Variants in SPRED2 observed in about 807,000 individuals in gnomAD.
The protein encoded by SPRED2 is sprouty-related, EVH1 domain-containing protein 2.
SPRED2 carries 47 observed loss-of-function variants against 43.0 expected under a neutral mutation model. The observed-to-expected ratio is 1.09, with a 90% CI of 0.87 to 1.40. The LOEUF (loss-of-function observed/expected upper bound fraction) is 1.40, where lower values mean the gene tolerates loss of function less well. SPRED2 is among the 40% of genes most tolerant of loss of function. The pLI is 0.00. For missense variants in SPRED2, 561 were observed against 586.4 expected, an observed-to-expected ratio of 0.96 and a Z score of 0.45; for synonymous variants, 225 against 225.7, an observed-to-expected ratio of 1.00 and a Z score of 0.03.
chr2:65,347,145 C>T (rs1390832405), intron 1 of SPRED2, among the ~76,000 whole-genome samples: 2 of 152,084 alleles, frequency 1.3e-5, no homozygotes, highest in East Asian at 3.9e-4. Context: ...AATTCTTTAC[C>T]CTGTTGGGGC....
At chr2:65,372,983 A>G (rs1433208542) in intron 1 of SPRED2, among the ~76,000 whole-genome samples, 1 of 152,236 alleles carries the variant, frequency 6.6e-6, no homozygotes. Context: ...ACAGCTTCCT[A>G]GCTAAGTAAA....
chr2:65,430,440 C>A (rs1013348380), intron 1 of SPRED2, among the ~76,000 whole-genome samples: 3 of 152,188 alleles, frequency 2.0e-5, no homozygotes, highest in African/African-American at 7.2e-5. Flanking sequence ...GCCCCACTCC[C>A]GCCCGGACTG....
intron 1 of SPRED2, among the ~76,000 whole-genome samples, chr2:65,390,264 T>C (rs1181137383): frequency 6.6e-6 from 1 of 152,200 alleles, no homozygotes; most frequent in Non-Finnish European, 1.5e-5. Context: ...CAAGACCATG[T>C]AGCAAAACTG....
chr2:65,328,466 T>A (rs963580801), intron 4 of SPRED2, among the ~76,000 whole-genome samples: 1 of 152,168 alleles, frequency 6.6e-6, no homozygotes, highest in South Asian at 2.1e-4. Context: ...AGTCACTTCA[T>A]CTCGCTGAGC....
At chr2:65,326,456 A>C (rs989503589) in intron 4 of SPRED2, among the ~76,000 whole-genome samples, 2 of 152,210 alleles carry the variant, frequency 1.3e-5, no homozygotes, top group Non-Finnish European at 2.9e-5. Flanking sequence ...CGTTGGTTCC[A>C]GGTGTCCTCT....
intron 1 of SPRED2, among the ~76,000 whole-genome samples, chr2:65,383,022 C>T (rs1398990140): frequency 3.3e-5 from 5 of 152,240 alleles, no homozygotes; most frequent in Admixed American, 2.0e-4. Context: ...CCAAGTTCCG[C>T]TGCGGCACAA....
intron 1 of SPRED2, among the ~76,000 whole-genome samples, chr2:65,430,663 C>G (rs1401267809): frequency 6.6e-6 from 1 of 152,154 alleles, no homozygotes; most frequent in African/African-American, 2.4e-5. Flanking sequence ...GCCCACACTC[C>G]CCTGCAAAGA....
chr2:65,428,665 C>G (rs1676608843), intron 1 of SPRED2, among the ~76,000 whole-genome samples: 1 of 152,148 alleles, frequency 6.6e-6, no homozygotes, highest in Non-Finnish European at 1.5e-5. Context: ...GAAAATATGA[C>G]TGAAAGGGAA....
intron 1 of SPRED2, among the ~76,000 whole-genome samples, chr2:65,421,679 A>C (rs1266755377): frequency 1.3e-5 from 2 of 152,174 alleles, no homozygotes; most frequent in East Asian, 3.8e-4. Context: ...ATCTCAGTAC[A>C]GAAAAGGCCA....
chr2:65,313,374 A>C lies in SPRED2; in HGVS notation c.*127T>G, dbSNP rs1673124969. On this transcript the variant is annotated 3_prime_UTR_variant, in exon 6 of 6. Transcript: ENST00000356388. ...GGCTGGAATGGTGCCTCGAGGTACC[A>C]GGGAGCTGGGAGGCCGCTTGCCCTC... 1 of 1,497,602 alleles carries C rather than the reference A, an allele frequency of 6.7e-7. No individual in the cohort carries two copies. Among genetic ancestry groups the C allele is most frequent in the Non-Finnish European group, 8.8e-7 (1 of 1,132,268 alleles). The allele number at this position is 1,497,602 out of a possible 1,614,324, so 92.8% of individuals were successfully genotyped here.
In SPRED2 at chr2:65,327,713, C is replaced by CTT. The variant is rs555549300; in HGVS notation, c.438+4272_438+4273dup. Among the ~76,000 whole-genome samples the CTT allele has an allele frequency of 4.5e-3, 336 of 74,242 alleles. 4 individuals carry two copies. The highest frequency in any genetic ancestry group is 5.3e-3 in the East Asian group (10 of 1,890). 48.7% of individuals were successfully genotyped at this position (74,242 alleles called of 152,430 possible). The stretch of plus-strand genomic sequence containing the variant: ...ATCTTTGCTTTTCTTTTCTTTCTTT[C>CTT]TTTTTTTTTTTTTTTTTTTTTTTTT... On this transcript the variant is annotated intron_variant, in intron 4 of 5. Transcript: ENST00000356388.
chr2:65,422,262 A>G (rs1676447391), intron 1 of SPRED2, among the ~76,000 whole-genome samples: 1 of 152,196 alleles, frequency 6.6e-6, no homozygotes, highest in Non-Finnish European at 1.5e-5. Context: ...CCCAAATATG[A>G]GAACCCCAAC....
chr2:65,308,436 A>G (rs1054810974), downstream of SPRED2: 3 of 985,476 alleles, frequency 3.0e-6, no homozygotes, highest in Admixed American at 6.1e-5. Flanking sequence ...TCAAATTCAG[A>G]TCAAATAGAA....
chr2:65,334,883 T>G, intron 2 of SPRED2, 110 bp from the exon 3 acceptor site: 1 of 1,089,384 alleles, frequency 9.2e-7, no homozygotes, highest in South Asian at 1.4e-5. Context: ...AAAACCCCTC[T>G]AACCCCTGCC....
chr2:65,342,221 C>A (rs935143679), intron 2 of SPRED2, among the ~76,000 whole-genome samples: 3 of 144,508 alleles, frequency 2.1e-5, no homozygotes, highest in African/African-American at 7.7e-5. Context: ...ATTTTGTATA[C>A]GTATATTATG....
chr2:65,401,640 A>G (rs993669728), intron 1 of SPRED2, among the ~76,000 whole-genome samples: 1 of 151,640 alleles, frequency 6.6e-6, no homozygotes, highest in Non-Finnish European at 1.5e-5. Context: ...CTAAAAAAAT[A>G]CAAAAAAATT....
chr2:65,405,314 T>A (rs1424420402), intron 1 of SPRED2, among the ~76,000 whole-genome samples: 1 of 152,230 alleles, frequency 6.6e-6, no homozygotes, highest in Non-Finnish European at 1.5e-5. Context: ...ATAGAGGAAG[T>A]CGTTATCCAG....
In SPRED2 at chr2:65,311,711, C is replaced by G; in HGVS notation, c.*1790G>C. Reference sequence around the variant, plus strand: ...CTTTTCCAAACTGGAAAGCCTAAACCAGTTACTCCAATGAATGAAGACGTC... The same window carrying G: ...CTTTTCCAAACTGGAAAGCCTAAACGAGTTACTCCAATGAATGAAGACGTC... On this transcript the variant is annotated 3_prime_UTR_variant, in exon 6 of 6. Transcript: ENST00000356388. 1 of 985,422 alleles carries G rather than the reference C, an allele frequency of 1.0e-6. No homozygotes were observed. Among genetic ancestry groups the G allele is most frequent in the Non-Finnish European group, 1.2e-6 (1 of 829,904 alleles). The allele number at this position is 985,422 out of a possible 1,614,324, so 61.0% of individuals were successfully genotyped here. A position where few individuals can be genotyped will look rare whatever the true frequency, so the allele number is the denominator to read the frequency against.
intron 1 of SPRED2, among the ~76,000 whole-genome samples, chr2:65,358,251 A>C (rs1162837784): frequency 6.6e-6 from 1 of 152,160 alleles, no homozygotes; most frequent in Non-Finnish European, 1.5e-5. Flanking sequence ...AAAGCAAGAA[A>C]ATGATGAAAA....
Sources: gnomAD v4.1 joint callset for allele counts (sites outside exome capture counted in the v4.1 genomes callset) on GRCh38, gnomAD v4.1.1 for gene constraint, MANE v1.5 for transcripts, NCBI Gene and HGNC (gene_info 2026-07-23, HGNC 2026-07-21) for gene names.